ENOPH1: variants seen among roughly 807,000 people sequenced by gnomAD.
ENOPH1 encodes enolase-phosphatase E1.
Under a neutral mutation model 31.1 loss-of-function variants are expected in ENOPH1, and 14 were observed. The observed-to-expected ratio is 0.45, with a 90% CI of 0.30 to 0.70. The LOEUF (loss-of-function observed/expected upper bound fraction) is 0.70. Ranked by LOEUF, ENOPH1 falls within the 30% of genes least tolerant of loss-of-function variation. The pLI is 0.09. For synonymous variants in ENOPH1, 127 were observed against 123.2 expected (o/e 1.03, Z -0.21); for missense variants, 243 against 321.5 (o/e 0.76, Z 1.87).
chr4:82,446,207 C>T (rs981042309), intron 1 of ENOPH1, among the ~76,000 whole-genome samples: 14 of 152,254 alleles, frequency 9.2e-5, no homozygotes, highest in Admixed American at 9.2e-4. Flanking sequence ...CATTTGAGGT[C>T]AGGAGTTCAA....
intron 1 of ENOPH1, among the ~76,000 whole-genome samples, chr4:82,432,673 T>TTGTTTTGTTTTGTTTTGTTC: frequency 6.6e-6 from 1 of 152,248 alleles, no homozygotes; most frequent in South Asian, 2.1e-4. Context: ...TTGTTTTGTT[T>TTGTTTTGTTTTGTTTTGTTC]GAGACAGAGT....
chr4:82,443,459 T>G (rs972310312), intron 1 of ENOPH1, among the ~76,000 whole-genome samples: 98 of 151,490 alleles, frequency 6.5e-4, no homozygotes, highest in African/African-American at 2.3e-3. Flanking sequence ...CTGGGCGCGG[T>G]GGCTCACGCT....
At chr4:82,442,863 C>T (rs1459363496) in intron 1 of ENOPH1, among the ~76,000 whole-genome samples, 6 of 152,200 alleles carry the variant, frequency 3.9e-5, no homozygotes, top group Non-Finnish European at 5.9e-5. Context: ...CCTGCTCTAT[C>T]GCCCAGGCTG....
At chr4:82,432,759 C>G (rs1721805304) in intron 1 of ENOPH1, among the ~76,000 whole-genome samples, 1 of 152,178 alleles carries the variant, frequency 6.6e-6, no homozygotes, top group African/African-American at 2.4e-5. Context: ...GGTGCCTCAG[C>G]CTTCCGAGTA....
At chr4:82,443,915 G>A (rs1722107842) in intron 1 of ENOPH1, among the ~76,000 whole-genome samples, 1 of 151,882 alleles carries the variant, frequency 6.6e-6, no homozygotes, top group Non-Finnish European at 1.5e-5. Context: ...CACCCAGGGA[G>A]TACAGGCTGG....
At position 82,446,662 on chromosome 4, in the gene ENOPH1, CT is replaced by C. The variant is rs34342267; in HGVS notation, c.85-1244del. Among the ~76,000 whole-genome samples, 104 of 74,732 alleles carry C rather than the reference CT, an allele frequency of 1.4e-3. 1 individual carries two copies. The highest frequency in any genetic ancestry group is 4.6e-3 in the South Asian group (9 of 1,952). 49.0% of individuals were successfully genotyped at this position (74,732 alleles called of 152,430 possible). ...TATTACTGAATTGTTTTGCACATCA[CT>C]TTTTTTTTTTTTTGTGTGACGGAAT... On this transcript the variant is annotated intron_variant, in intron 1 of 5. Transcript: ENST00000273920.
intron 1 of ENOPH1, among the ~76,000 whole-genome samples, chr4:82,434,063 C>T (rs1050447123): frequency 2.0e-5 from 3 of 152,148 alleles, no homozygotes; most frequent in African/African-American, 7.2e-5. Context: ...ACTGTCTACA[C>T]TTTACTTAGG....
chr4:82,457,167 A>G (rs998818300), intron 5 of ENOPH1, 129 bp downstream of exon 5: 14 of 892,990 alleles, frequency 1.6e-5, no homozygotes, highest in African/African-American at 1.2e-4. Context: ...ACGGTTTTAT[A>G]TAAAGAAACA....
chr4:82,448,797 G>A (rs1463402813), intron 2 of ENOPH1, among the ~76,000 whole-genome samples: 2 of 151,214 alleles, frequency 1.3e-5, no homozygotes, highest in Non-Finnish European at 2.9e-5. Flanking sequence ...GGTGGCTCAC[G>A]CCTGTAATCC....
intron 3 of ENOPH1, among the ~76,000 whole-genome samples, chr4:82,452,939 T>C (rs1326018036): frequency 6.8e-6 from 1 of 146,922 alleles, no homozygotes. Context: ...TCTTGCTCTG[T>C]CACCCAGGCT....
At chr4:82,446,657 C>T (rs1213065270) in intron 1 of ENOPH1, among the ~76,000 whole-genome samples, 1 of 125,380 alleles carries the variant, frequency 8.0e-6, no homozygotes, top group African/African-American at 3.1e-5. Flanking sequence ...TTGTTTTGCA[C>T]ATCACTTTTT....
intron 1 of ENOPH1, among the ~76,000 whole-genome samples, chr4:82,435,206 A>G (rs549688435): frequency 1.3e-5 from 2 of 152,232 alleles, no homozygotes; most frequent in South Asian, 2.1e-4. Context: ...GGCTTAAGCA[A>G]TCCTCCTACC....
At chr4:82,438,566 T>C (rs928057420) in intron 1 of ENOPH1, among the ~76,000 whole-genome samples, 10 of 152,158 alleles carry the variant, frequency 6.6e-5, no homozygotes, top group Non-Finnish European at 2.9e-5. Flanking sequence ...GGTGGGAGGA[T>C]CACTTGAGCC....
At chr4:82,434,723 AAAG>A (rs1330812358) in intron 1 of ENOPH1, among the ~76,000 whole-genome samples, 21 of 152,090 alleles carry the variant, frequency 1.4e-4, no homozygotes, top group African/African-American at 4.8e-4. Context: ...CAAAAAAAGA[AAAG>A]AAAAGAAAAA....
intron 1 of ENOPH1, among the ~76,000 whole-genome samples, chr4:82,433,621 AT>A (rs1721832305): frequency 6.6e-6 from 1 of 152,208 alleles, no homozygotes; most frequent in Non-Finnish European, 1.5e-5. Flanking sequence ...GTTTATGGTA[AT>A]TATGTAAAAA....
chr4:82,448,129 G>A, intron 2 of ENOPH1, 108 bp downstream of exon 2: 1 of 681,470 alleles, frequency 1.5e-6, no homozygotes, highest in Admixed American at 3.0e-5. Context: ...GGTTTGATAG[G>A]GGATAGAAGT....
At chr4:82,443,498 G>T (rs942480265) in intron 1 of ENOPH1, among the ~76,000 whole-genome samples, 8 of 151,836 alleles carry the variant, frequency 5.3e-5, no homozygotes, top group Non-Finnish European at 1.2e-4. Context: ...GGAGGCCGAG[G>T]CTGGCAGATC....
At chr4:82,459,513 G>A (rs183378582) in intron 5 of ENOPH1, among the ~76,000 whole-genome samples, 50 of 152,142 alleles carry the variant, frequency 3.3e-4, no homozygotes, top group Middle Eastern at 6.8e-3. Context: ...GGCTGGTCTC[G>A]AACTCTTGGA....
rs1317420569 is a variant in ENOPH1 at position 82,430,699 on chromosome 4, C to G, written c.-131C>G. 2.5e-6 allele frequency: 2 copies of G among 785,072 alleles called. No individual in the cohort carries two copies. The highest frequency in any genetic ancestry group is 4.9e-5 in the Admixed American group (2 of 40,412). 48.6% of individuals were successfully genotyped at this position (785,072 alleles called of 1,614,324 possible). A position where few individuals can be genotyped will look rare whatever the true frequency, so the allele number is the denominator to read the frequency against. On this transcript the variant is annotated 5_prime_UTR_variant, in exon 1 of 6. Transcript: ENST00000273920. ...CTCTCCCCACGCGCGGCGGGCTGCA[C>G]TTGGTCGCTGGCTCCGAGATCGCGC...
Sources: gnomAD v4.1 joint callset for allele counts (sites outside exome capture counted in the v4.1 genomes callset) on GRCh38, gnomAD v4.1.1 for gene constraint, MANE v1.5 for transcripts, NCBI Gene and HGNC (gene_info 2026-07-23, HGNC 2026-07-21) for gene names.